ARHGEF11: variants seen among roughly 807,000 people sequenced by gnomAD.
ARHGEF11 encodes the protein Rho guanine exchange factor (GEF) 11.
In ARHGEF11, 55 loss-of-function variants were observed where a neutral mutation model predicts 193.7. The observed-to-expected ratio is 0.28, with a 90% CI of 0.23 to 0.36. ARHGEF11 has a LOEUF of 0.36. Among genes scored for constraint, ARHGEF11 ranks in the 10% least tolerant of loss-of-function variants. The pLI is 1.00. For missense variants in ARHGEF11, 1,723 were observed against 2,005.6 expected (o/e 0.86, Z 2.69); for synonymous variants, 693 against 768.0 (o/e 0.90, Z 1.62).
chr1:156,958,720 GGGA>G lies in ARHGEF11; in HGVS notation c.1502+19_1502+21del. 6.2e-7 allele frequency: 1 copy of G among 1,614,046 alleles called. No individual in the cohort carries two copies. The highest frequency in any genetic ancestry group is 8.5e-7 in the Non-Finnish European group (1 of 1,179,980). On this transcript the variant is annotated intron_variant, in intron 17 of 40. Transcript: ENST00000368194. ...ACCTGCTTAGGATGTTCAGTGGGGT[GGGA>G]GGAAGCTGAAAGACTCACAAAATAT... is the stretch of plus-strand genomic sequence containing the variant.
intron 14 of ARHGEF11, among the ~76,000 whole-genome samples, chr1:156,961,234 C>T (rs1454906647): frequency 2.0e-5 from 3 of 152,234 alleles, no homozygotes; most frequent in African/African-American, 7.2e-5. Context: ...ACTCTGGGGC[C>T]TCCCATCTCT....
In ARHGEF11 at chr1:156,991,739, C is replaced by T. The variant is rs1300961669; in HGVS notation, c.33-5566G>A. On this transcript the variant is annotated intron_variant, in intron 1 of 40. Coordinates refer to ENST00000368194, the MANE Select transcript of ARHGEF11 (RefSeq NM_198236.3). ...TTTTTTTTTTTTTTTTTTTTTGAGACGGAGTCTCGCTCTGTCGCCCAGGCT... is the reference window on the plus strand; with the variant it reads ...TTTTTTTTTTTTTTTTTTTTTGAGATGGAGTCTCGCTCTGTCGCCCAGGCT... Among the ~76,000 whole-genome samples, 9 of 90,604 alleles carry T rather than the reference C, an allele frequency of 9.9e-5. No homozygotes were observed. In the East Asian group the frequency reaches 1.9e-3, roughly 19 times the overall value. The allele number at this position is 90,604 out of a possible 152,430, so 59.4% of individuals were successfully genotyped here. A position where few individuals can be genotyped will look rare whatever the true frequency, so the allele number is the denominator to read the frequency against.
intron 1 of ARHGEF11, among the ~76,000 whole-genome samples, chr1:157,037,047 G>A (rs1400325314): frequency 1.3e-5 from 2 of 152,166 alleles, no homozygotes; most frequent in Admixed American, 1.3e-4. Flanking sequence ...AGAATTGCTT[G>A]AACCTGGGAG....
chr1:156,947,500 T>A, intron 25 of ARHGEF11, 50 bp from the exon 26 acceptor site: 2 of 1,515,854 alleles, frequency 1.3e-6, no homozygotes, highest in Non-Finnish European at 1.8e-6. Flanking sequence ...AGAAAACGGA[T>A]CAGCAAGTAT....
intron 1 of ARHGEF11, among the ~76,000 whole-genome samples, chr1:157,042,733 C>T (rs1042991808): frequency 1.3e-5 from 2 of 152,144 alleles, no homozygotes; most frequent in Non-Finnish European, 2.9e-5. Context: ...GAAGGCTCAC[C>T]GCCTCCTCCT....
chr1:157,023,929 C>A (rs1670316603), intron 1 of ARHGEF11, among the ~76,000 whole-genome samples: 1 of 152,140 alleles, frequency 6.6e-6, no homozygotes, highest in African/African-American at 2.4e-5. Context: ...CAGCAACTCC[C>A]CTCCTACATA....
At chr1:157,011,380 T>C (rs1412744331) in intron 1 of ARHGEF11, among the ~76,000 whole-genome samples, 1 of 152,118 alleles carries the variant, frequency 6.6e-6, no homozygotes, top group Non-Finnish European at 1.5e-5. Context: ...GTAAAACTCT[T>C]AGAAGAAAAC....
chr1:156,980,845 GGGA>G (rs1234353809), intron 3 of ARHGEF11, among the ~76,000 whole-genome samples: 6 of 103,806 alleles, frequency 5.8e-5, no homozygotes, highest in African/African-American at 1.1e-4. Context: ...GGGGGGGGGG[GGGA>G]AATGAGTTTA....
chr1:157,025,713 G>C (rs1181074172), intron 1 of ARHGEF11, among the ~76,000 whole-genome samples: 1 of 152,134 alleles, frequency 6.6e-6, no homozygotes, highest in Non-Finnish European at 1.5e-5. Context: ...ATTCAAGGGA[G>C]GATAGATCAA....
chr1:156,969,760 C>T (rs1662257774), intron 9 of ARHGEF11, among the ~76,000 whole-genome samples: 1 of 152,248 alleles, frequency 6.6e-6, no homozygotes, highest in Admixed American at 6.5e-5. Context: ...GGACCATACT[C>T]ATTCTGGTAT....
rs565517948 is a variant in ARHGEF11, at chr1:157,033,074, T to C, written c.32+11225A>G. The stretch of plus-strand genomic sequence containing the variant: ...ATGCTTCTGCTGCTCCGTCTAGGTG[T>C]TGATGACCTGCTAATGTGATTCTCT... On this transcript the variant is annotated intron_variant, in intron 1 of 40. Coordinates refer to ENST00000368194, the MANE Select transcript of ARHGEF11 (RefSeq NM_198236.3). Among the ~76,000 whole-genome samples, 19 of 152,262 alleles carry C rather than the reference T, an allele frequency of 1.2e-4. No individual in the cohort carries two copies. In the East Asian group the frequency reaches 3.5e-3, roughly 28 times the overall value.
In ARHGEF11 at chr1:156,958,884, GGAAA is replaced by G. The variant is rs771575257; in HGVS notation, c.1380-24_1380-21del. 1.1e-5 allele frequency: 17 copies of G among 1,613,918 alleles called. No individual in the cohort carries two copies. The African/African-American group carries it at 1.1e-4, about 10-fold the overall frequency. ...TTCGTTCTAAGCCAGATAAACACAG[GGAAA>G]GAAAGAAATATACACAAATACTCAA... On this transcript the variant is annotated intron_variant, in intron 16 of 40. Coordinates refer to ENST00000368194, the MANE Select transcript of ARHGEF11 (RefSeq NM_198236.3).
Position 156,986,188 on chromosome 1 carries a change from A to C in ARHGEF11, c.33-15T>G, listed in dbSNP as rs965207864. On this transcript the variant is annotated splice_polypyrimidine_tract_variant and intron_variant, in intron 1 of 40. Coordinates refer to ENST00000368194, the MANE Select transcript of ARHGEF11 (RefSeq NM_198236.3). ...GGCTACTTAACCTGGAGAAGGAGTAAGGAAAGCATGTCAATGAGCTCAGCA... is the reference window on the plus strand; with the variant it reads ...GGCTACTTAACCTGGAGAAGGAGTACGGAAAGCATGTCAATGAGCTCAGCA... 6.2e-7 allele frequency: 1 copy of C among 1,607,492 alleles called. No individual in the cohort carries two copies. Among genetic ancestry groups the C allele is most frequent in the Admixed American group, 1.7e-5 (1 of 59,954 alleles).
intron 36 of ARHGEF11, 124 bp from the exon 37 acceptor site, chr1:156,940,034 G>A (rs998988013): frequency 2.7e-6 from 4 of 1,476,544 alleles, no homozygotes; most frequent in Non-Finnish European, 3.6e-6. Flanking sequence ...GGAGGGCTCT[G>A]GCCAACTAGC....
intron 18 of ARHGEF11, among the ~76,000 whole-genome samples, 163 bp downstream of exon 18, chr1:156,957,629 T>C (rs771110399): frequency 7.9e-5 from 12 of 152,318 alleles, no homozygotes; most frequent in Non-Finnish European, 1.2e-4. Context: ...CCCTATGTTA[T>C]GGTCATACAG....
rs139385472 is a variant in ARHGEF11 at position 157,009,903 on chromosome 1, C to T, written c.33-23730G>A. On this transcript the variant is annotated intron_variant, in intron 1 of 40. Transcript: ENST00000368194. The stretch of plus-strand genomic sequence containing the variant: ...TGAATCTCAATCTGAACCTCTCTTG[C>T]TTTCTTCTCAACATGAACCTGCTGC... Among the ~76,000 whole-genome samples, 13 of 152,302 alleles carry T rather than the reference C, an allele frequency of 8.5e-5. No individual in the cohort carries two copies. The East Asian group carries it at 2.5e-3, about 29-fold the overall frequency.
intron 3 of ARHGEF11, 76 bp downstream of exon 3, chr1:156,984,263 G>A: frequency 8.3e-7 from 1 of 1,201,232 alleles, no homozygotes; most frequent in East Asian, 2.6e-5. Flanking sequence ...GGAAAGCACA[G>A]GTAGAATGGC....
intron 13 of ARHGEF11, 72 bp downstream of exon 13, chr1:156,963,131 G>C: frequency 8.2e-7 from 1 of 1,226,292 alleles, no homozygotes; most frequent in Non-Finnish European, 1.2e-6. Flanking sequence ...CCAGGGAGCA[G>C]AAACAGAGGC....
At chr1:156,972,759 C>A (rs1662674694) in intron 7 of ARHGEF11, among the ~76,000 whole-genome samples, 1 of 152,180 alleles carries the variant, frequency 6.6e-6, no homozygotes, top group Admixed American at 6.5e-5. Flanking sequence ...CAACTGTACT[C>A]CATTTCAAAA....
Sources: gnomAD v4.1 joint callset for allele counts (sites outside exome capture counted in the v4.1 genomes callset) on GRCh38, gnomAD v4.1.1 for gene constraint, MANE v1.5 for transcripts, NCBI Gene and HGNC (gene_info 2026-07-23, HGNC 2026-07-21) for gene names.